MYLK: variants seen among roughly 807,000 people sequenced by gnomAD.
MYLK encodes the protein myosin light chain kinase.
In MYLK, 106 loss-of-function variants were observed where a neutral mutation model predicts 203.4. That is an observed-to-expected ratio of 0.52 (90% confidence interval 0.45 to 0.61). The LOEUF (loss-of-function observed/expected upper bound fraction) is 0.61, where lower values mean the gene tolerates loss of function less well. Among genes scored for constraint, MYLK ranks in the 20% least tolerant of loss-of-function variants. The pLI is 0.00. For missense variants in MYLK, 2,072 were observed against 2,442.3 expected, an observed-to-expected ratio of 0.85 and a Z score of 3.20; for synonymous variants, 867 against 959.5, an observed-to-expected ratio of 0.90 and a Z score of 1.78.
At chr3:123,798,748 G>T (rs1431174329) in intron 3 of MYLK, among the ~76,000 whole-genome samples, 1 of 151,994 alleles carries the variant, frequency 6.6e-6, no homozygotes, top group African/African-American at 2.4e-5. Context: ...CTACCATGCG[G>T]ACAGGACCAG....
chr3:123,637,040 T>A (rs2058667136), intron 29 of MYLK, among the ~76,000 whole-genome samples: 1 of 152,172 alleles, frequency 6.6e-6, no homozygotes, highest in Non-Finnish European at 1.5e-5. Flanking sequence ...CACACTGGAG[T>A]CTGAAGGCCC....
intron 7 of MYLK, among the ~76,000 whole-genome samples, chr3:123,737,911 T>C (rs1030877600): frequency 1.3e-5 from 2 of 152,112 alleles, no homozygotes; most frequent in African/African-American, 4.8e-5. Context: ...AAGGTGTCAA[T>C]ACCCACTTTT....
intron 32 of MYLK, 45 bp downstream of exon 32, chr3:123,620,162 C>T: frequency 6.4e-7 from 1 of 1,553,726 alleles, no homozygotes; most frequent in Non-Finnish European, 8.9e-7. Context: ...CTTTGTTCCC[C>T]AGCCCTTTCT....
chr3:123,660,654 G>C (rs571903870), intron 23 of MYLK, among the ~76,000 whole-genome samples: 1 of 152,332 alleles, frequency 6.6e-6, no homozygotes, highest in Non-Finnish European at 1.5e-5. Flanking sequence ...ATAGGAGCCA[G>C]AGAGGATCTG....
At chr3:123,778,558 T>C (rs1456151689) in intron 4 of MYLK, among the ~76,000 whole-genome samples, 1 of 149,068 alleles carries the variant, frequency 6.7e-6, no homozygotes, top group Non-Finnish European at 1.5e-5. Context: ...GTCAGCAATA[T>C]GCTCGAGCAG....
rs188852572 is a variant in MYLK at position 123,786,234 on chromosome 3, C to T, written c.165+7443G>A. Among the ~76,000 whole-genome samples, 1,501 of 150,636 alleles carry T rather than the reference C, an allele frequency of 1.0e-2. 34 individuals carry two copies. Among genetic ancestry groups the T allele is most frequent in the African/African-American group, 0.035 (1,450 of 40,900 alleles). ...AGGAGTGTCGCTCGAACCTGGGAGGCGGAGGTTGCAGTGAACCGCGATTGT... is the reference window on the plus strand; with the variant it reads ...AGGAGTGTCGCTCGAACCTGGGAGGTGGAGGTTGCAGTGAACCGCGATTGT... On this transcript the variant is annotated intron_variant, in intron 4 of 33. Coordinates refer to ENST00000360304, the MANE Select transcript of MYLK (RefSeq NM_053025.4).
rs35156360 is a variant in MYLK at position 123,733,085 on chromosome 3, G to T, written c.1327C>A (p.Pro443Thr). Reference sequence around the variant, plus strand: ...CCTTCCAGGAACCAGGCCACTTCAGGCTTTGGAATCCCGGAAACTACAGGG... The same window carrying T: ...CCTTCCAGGAACCAGGCCACTTCAGTCTTTGGAATCCCGGAAACTACAGGG... ...FRCEVSGIPK[P>T]EVAWFLEGTP... The change falls in exon 11 of 34, where the codon CCT (proline) becomes ACT (threonine). Residue 443 changes from proline (P) to threonine (T), a missense_variant. Physicochemically the swap from Pro to Thr is conservative, Grantham distance 38. Transcript: ENST00000360304. The T allele has an allele frequency of 1.2e-4, 198 of 1,613,898 alleles. 1 individual carries two copies. In the East Asian group the frequency reaches 4.4e-3, roughly 36 times the overall value.
At chr3:123,814,884 C>T (rs2065693033) in intron 3 of MYLK, among the ~76,000 whole-genome samples, 1 of 152,078 alleles carries the variant, frequency 6.6e-6, no homozygotes, top group Admixed American at 6.5e-5. Flanking sequence ...CCTCCACCTC[C>T]CAGGTTCAAG....
chr3:123,800,624 G>A (rs1202706944), intron 3 of MYLK, among the ~76,000 whole-genome samples: 2 of 152,172 alleles, frequency 1.3e-5, no homozygotes, highest in Non-Finnish European at 2.9e-5. Flanking sequence ...AGGCAGCAAG[G>A]TGATGCCCTG....
intron 29 of MYLK, among the ~76,000 whole-genome samples, chr3:123,635,478 G>A (rs2058607901): frequency 6.6e-6 from 1 of 152,160 alleles, no homozygotes; most frequent in Non-Finnish European, 1.5e-5. Context: ...CTAAGATGTG[G>A]CACAGGATTG....
chr3:123,872,089 T>A (rs574163907), intron 2 of MYLK, among the ~76,000 whole-genome samples: 4 of 152,196 alleles, frequency 2.6e-5, no homozygotes, highest in African/African-American at 9.6e-5. Context: ...ACCTGCAGCC[T>A]GTTTTTGTAA....
At chr3:123,656,643 T>C (rs1477889337) in intron 24 of MYLK, among the ~76,000 whole-genome samples, 1 of 152,188 alleles carries the variant, frequency 6.6e-6, no homozygotes, top group Non-Finnish European at 1.5e-5. Context: ...ATGCATTTTG[T>C]TATGTCCCCT....
At chr3:123,812,197 C>T (rs892811538) in intron 3 of MYLK, among the ~76,000 whole-genome samples, 2 of 152,292 alleles carry the variant, frequency 1.3e-5, no homozygotes. Context: ...GTTCTATCAC[C>T]TTAATGGCTT....
rs2107788659 is a variant in MYLK, at chr3:123,610,394, T to G, written c.*3711A>C. On this transcript the variant is annotated 3_prime_UTR_variant, in exon 34 of 34. Transcript: ENST00000360304. ...ATTTATAAGAACAAATGTTTATTTC[T>G]TGCTTGTGTTATGTCCCCATTTTGG... 6.6e-6 allele frequency: 1 copy of G among 152,174 alleles called. No individual in the cohort carries two copies. Among genetic ancestry groups the G allele is most frequent in the East Asian group, 1.9e-4 (1 of 5,196 alleles). 9.4% of individuals were successfully genotyped at this position (152,174 alleles called of 1,614,324 possible). A position where few individuals can be genotyped will look rare whatever the true frequency, so the allele number is the denominator to read the frequency against.
At chr3:123,848,120 T>C (rs945740370) in intron 2 of MYLK, among the ~76,000 whole-genome samples, 12 of 152,160 alleles carry the variant, frequency 7.9e-5, no homozygotes, top group Admixed American at 5.9e-4. Context: ...GCCCAGAAAG[T>C]TACCCATGTG....
intron 2 of MYLK, among the ~76,000 whole-genome samples, chr3:123,847,150 A>G (rs1269616123): frequency 1.3e-5 from 2 of 152,186 alleles, no homozygotes; most frequent in East Asian, 1.9e-4. Flanking sequence ...TAGCCTTTAC[A>G]TAGTATTGGG....
chr3:123,864,375 T>C (rs1410078450), intron 2 of MYLK, among the ~76,000 whole-genome samples: 1 of 152,156 alleles, frequency 6.6e-6, no homozygotes, highest in Non-Finnish European at 1.5e-5. Flanking sequence ...ACGTAAACAA[T>C]ATTCAACTCA....
chr3:123,864,027 C>T (rs550519545), intron 2 of MYLK, among the ~76,000 whole-genome samples: 25 of 152,252 alleles, frequency 1.6e-4, no homozygotes, highest in East Asian at 3.9e-4. Flanking sequence ...TTAAAAGGAA[C>T]GGACTGATAC....
At chr3:123,759,264 A>G (rs1013681247) in intron 4 of MYLK, among the ~76,000 whole-genome samples, 1 of 152,118 alleles carries the variant, frequency 6.6e-6, no homozygotes, top group Admixed American at 6.5e-5. Context: ...GTGGGGCTCC[A>G]GGCTTTCCAG....
Sources: gnomAD v4.1 joint callset for allele counts (sites outside exome capture counted in the v4.1 genomes callset) on GRCh38, gnomAD v4.1.1 for gene constraint, MANE v1.5 for transcripts, NCBI Gene and HGNC (gene_info 2026-07-23, HGNC 2026-07-21) for gene names.